The following MED13 variants were observed in gnomAD, a reference collection of about 807,000 sequenced individuals.
MED13 encodes the protein mediator of RNA polymerase II transcription subunit 13.
A neutral mutation model predicts 225.2 loss-of-function variants in MED13; 23 were observed. The ratio of observed to expected loss-of-function variants is 0.10; its 90% CI spans 0.07 to 0.14. The LOEUF (loss-of-function observed/expected upper bound fraction) is 0.14. Ranked by LOEUF, MED13 falls within the 10% of genes least tolerant of loss-of-function variation. The pLI is 1.00. For missense variants in MED13, 2,197 were observed against 2,594.5 expected, an observed-to-expected ratio of 0.85 and a Z score of 3.33; for synonymous variants, 942 against 889.2, an observed-to-expected ratio of 1.06 and a Z score of -1.06.
At chr17:62,038,849 G>A (rs1364705551) in intron 3 of MED13, among the ~76,000 whole-genome samples, 1 of 151,702 alleles carries the variant, frequency 6.6e-6, no homozygotes, top group African/African-American at 2.4e-5. Flanking sequence ...TTCCCCCTAG[G>A]GATGGCAGGG....
chr17:62,014,631 G>C (rs1489916793), intron 8 of MED13, among the ~76,000 whole-genome samples: 1 of 152,062 alleles, frequency 6.6e-6, no homozygotes, highest in African/African-American at 2.4e-5. Flanking sequence ...TATGGCTCTT[G>C]AGTACTTGAA....
chr17:62,019,113 C>T (rs1347237597), intron 8 of MED13, among the ~76,000 whole-genome samples: 1 of 152,222 alleles, frequency 6.6e-6, no homozygotes, highest in Non-Finnish European at 1.5e-5. Context: ...CTCTTCCCTT[C>T]TCCAATTGCA....
chr17:61,953,028 A>G lies in MED13; in HGVS notation c.6054T>C (p.Ser2018=), dbSNP rs1169367720. 1 of 1,613,976 alleles carries G rather than the reference A, an allele frequency of 6.2e-7. No homozygotes were observed. The highest frequency in any genetic ancestry group is 2.2e-5 in the East Asian group (1 of 44,878). ...GAGAATGTACAGGAGAACCAGTTGG[A>G]GAAGCAGGAAGGATATTAATGATAT... ...DPDIINILPA[S]PTGSPVHSPG... Residue 2018 remains serine (S), a synonymous_variant, in exon 27 of 30, where the codon TCT becomes TCC. Coordinates refer to ENST00000397786, the MANE Select transcript of MED13 (RefSeq NM_005121.3).
At position 61,966,582 on chromosome 17, in the gene MED13, T is replaced by C. The variant is rs954651171; in HGVS notation, c.4261A>G (p.Thr1421Ala). 9 of 1,613,832 alleles carry C rather than the reference T, an allele frequency of 5.6e-6. No homozygotes were observed. Among genetic ancestry groups the C allele is most frequent in the Non-Finnish European group, 7.6e-6 (9 of 1,179,902 alleles). ...LTDGIMRVGSTASKKLSEKLV... is the reference protein window; with the variant it reads ...LTDGIMRVGSAASKKLSEKLV... Reference sequence around the variant, plus strand: ...TTTTCTGATAGTTTCTTTGATGCAGTAGATCCAACTCTCATGATCCCATCT... The same window carrying C: ...TTTTCTGATAGTTTCTTTGATGCAGCAGATCCAACTCTCATGATCCCATCT... Residue 1421 changes from threonine (T) to alanine (A), a missense_variant, in exon 19 of 30, where the codon ACT becomes GCT. Around this residue, in one of 12 missense-constraint regions of MED13, gnomAD observed 457 missense variants for 442.2 expected, o/e 1.03. Transcript: ENST00000397786.
chr17:61,982,116 A>C, intron 16 of MED13, 82 bp downstream of exon 16: 1 of 1,353,204 alleles, frequency 7.4e-7, no homozygotes, highest in Non-Finnish European at 1.0e-6. Flanking sequence ...GCCACATGGG[A>C]AACTGCCTTT....
Position 62,029,997 on chromosome 17 carries a change from G to C in MED13, c.1026C>G (p.Val342=). 1 of 1,599,750 alleles carries C rather than the reference G, an allele frequency of 6.3e-7. No homozygotes were observed. The highest frequency in any genetic ancestry group is 8.5e-7 in the Non-Finnish European group (1 of 1,173,154). The stretch of plus-strand genomic sequence containing the variant: ...CTGAAGAAAATTTGACCCACTTCTG[G>C]ACAGACTGAGGATCAACTGAAAACA... The part of the protein sequence containing the change: ...EEVQTVDPQS[V]QKWVKFSSVS... Residue 342 remains valine (V), a synonymous_variant, in exon 7 of 30, where the codon GTC becomes GTG. Transcript: ENST00000397786.
chr17:62,051,766 G>T (rs1050133494), intron 3 of MED13, among the ~76,000 whole-genome samples: 2 of 152,280 alleles, frequency 1.3e-5, no homozygotes, highest in South Asian at 2.1e-4. Flanking sequence ...GGAAAAATTA[G>T]TAAGTTCCCT....
chr17:61,963,043 T>G, intron 20 of MED13, 72 bp from the exon 21 acceptor site: 1 of 1,242,586 alleles, frequency 8.0e-7, no homozygotes, highest in Non-Finnish European at 1.2e-6. Flanking sequence ...AGCAGGTTCT[T>G]AATATCCCCC....
chr17:62,013,844 GCCTGGCCAACATGGTGAAA>G (rs2143602342), intron 8 of MED13, among the ~76,000 whole-genome samples: 1 of 152,238 alleles, frequency 6.6e-6, no homozygotes, highest in South Asian at 2.1e-4. Flanking sequence ...TTCAAGACCA[GCCTGGCCAACATGGTGAAA>G]CCCCGTCTCC....
chr17:62,013,579 T>A, intron 8 of MED13, among the ~76,000 whole-genome samples: 1 of 151,356 alleles, frequency 6.6e-6, no homozygotes, highest in East Asian at 1.9e-4. Flanking sequence ...TCTTACTTGA[T>A]GTTTAAGCAT....
chr17:61,972,676 T>C, intron 17 of MED13, 51 bp downstream of exon 17: 1 of 1,463,528 alleles, frequency 6.8e-7, no homozygotes, highest in East Asian at 2.3e-5. Context: ...GGCACAGAAA[T>C]CTGAGGACTG....
intron 9 of MED13, among the ~76,000 whole-genome samples, chr17:61,997,410 T>C (rs76221087): frequency 0.013 from 1,947 of 152,308 alleles, 39 homozygotes; most frequent in African/African-American, 0.044. Context: ...TTCTGTTCTA[T>C]AAACAGCTGA....
intron 16 of MED13, among the ~76,000 whole-genome samples, chr17:61,976,599 C>A (rs2143429446): frequency 6.6e-6 from 1 of 152,256 alleles, no homozygotes; most frequent in East Asian, 1.9e-4. Context: ...TAGAACAGAG[C>A]TTTGTCTATC....
chr17:61,954,714 C>T (rs72843767), intron 26 of MED13, among the ~76,000 whole-genome samples: 9,902 of 152,104 alleles, frequency 0.065, 571 homozygotes, highest in South Asian at 0.31. Context: ...GAGGTGAAGG[C>T]TACAGTAGGC....
chr17:61,950,487 G>C (rs1044481455), intron 28 of MED13, among the ~76,000 whole-genome samples: 2 of 151,594 alleles, frequency 1.3e-5, no homozygotes, highest in South Asian at 4.2e-4. Context: ...AGGTTCAAGC[G>C]ATTCTCCTGC....
chr17:61,984,601 T>G, intron 14 of MED13, 50 bp downstream of exon 14: 1 of 1,471,124 alleles, frequency 6.8e-7, no homozygotes. Flanking sequence ...AAATTAATTC[T>G]ATAAGAAAAT....
intron 11 of MED13, among the ~76,000 whole-genome samples, 189 bp from the exon 12 acceptor site, chr17:61,987,317 C>A (rs778166440): frequency 5.9e-5 from 9 of 152,052 alleles, no homozygotes; most frequent in Non-Finnish European, 1.0e-4. Flanking sequence ...CGCATGTAAT[C>A]CCAGCTACTT....
intron 9 of MED13, among the ~76,000 whole-genome samples, chr17:62,002,278 T>G (rs1216486727): frequency 6.6e-6 from 1 of 151,908 alleles, no homozygotes; most frequent in Non-Finnish European, 1.5e-5. Flanking sequence ...TCACCTGAGG[T>G]AGGGAGTTCA....
chr17:62,020,060 T>G (rs2080623993), intron 8 of MED13, among the ~76,000 whole-genome samples: 1 of 152,062 alleles, frequency 6.6e-6, no homozygotes, highest in African/African-American at 2.4e-5. Flanking sequence ...CTGAACTTCA[T>G]GCTAGAACAC....
Sources: gnomAD v4.1 joint callset for allele counts (sites outside exome capture counted in the v4.1 genomes callset) on GRCh38, gnomAD v4.1.1 for gene constraint, gnomAD v4.1.1 regional missense constraint, MANE v1.5 for transcripts, NCBI Gene and HGNC (gene_info 2026-07-23, HGNC 2026-07-21) for gene names.